The following PRKD1 variants were observed in gnomAD, a reference collection of about 807,000 sequenced individuals.
PRKD1 encodes the protein protein kinase D1.
In PRKD1, 63 loss-of-function variants were observed where a neutral mutation model predicts 95.9. The observed-to-expected ratio is 0.66, with a 90% CI of 0.54 to 0.81. The LOEUF is 0.81. Ranked by LOEUF, PRKD1 falls within the 30% of genes least tolerant of loss-of-function variation. The probability of loss-of-function intolerance (pLI) is 0.00; values close to 1 mark genes in which losing one functional copy is unlikely to be tolerated. For missense variants in PRKD1, 1,048 were observed against 1,165.3 expected, an observed-to-expected ratio of 0.90 and a Z score of 1.47; for synonymous variants, 425 against 423.1, an observed-to-expected ratio of 1.00 and a Z score of -0.05.
chr14:29,891,600 C>G (rs1011451979), intron 1 of PRKD1, among the ~76,000 whole-genome samples: 1 of 151,766 alleles, frequency 6.6e-6, no homozygotes, highest in Non-Finnish European at 1.5e-5. Flanking sequence ...TCTCCTATGA[C>G]TCTCTAAGGC....
intron 1 of PRKD1, among the ~76,000 whole-genome samples, chr14:29,744,203 T>C (rs943532695): frequency 1.3e-5 from 2 of 152,168 alleles, no homozygotes; most frequent in African/African-American, 2.4e-5. Flanking sequence ...TATCACATAT[T>C]AACATGTTCA....
chr14:29,667,192 T>C (rs763390779), intron 2 of PRKD1, among the ~76,000 whole-genome samples: 3 of 152,200 alleles, frequency 2.0e-5, no homozygotes, highest in East Asian at 1.9e-4. Context: ...GCAGAAGACC[T>C]GGGGGAAGCC....
Position 29,927,369 on chromosome 14 carries a change from G to GC in PRKD1, c.143dup (p.Ile49HisfsTer12), listed in dbSNP as rs760051189. 4 of 1,560,422 alleles carry GC rather than the reference G, an allele frequency of 2.6e-6. No individual in the cohort carries two copies. Among genetic ancestry groups the GC allele is most frequent in the East Asian group, 2.5e-5 (1 of 39,642 alleles). On this transcript the variant is annotated frameshift_variant, in exon 1 of 18. Transcript: ENST00000331968. LOFTEE classifies it high-confidence loss of function. ...GGCCGATCTGCAGATGGAACGAGAT[G>GC]CCCCCGACCGGGGCCGCGACAGGAG...
intron 1 of PRKD1, among the ~76,000 whole-genome samples, chr14:29,802,672 C>T (rs1890082980): frequency 6.6e-6 from 1 of 152,166 alleles, no homozygotes; most frequent in South Asian, 2.1e-4. Flanking sequence ...CCAGTGTTTA[C>T]ATCAAATTAT....
chr14:29,756,401 G>A (rs1401912292), intron 1 of PRKD1, among the ~76,000 whole-genome samples: 4 of 152,046 alleles, frequency 2.6e-5, no homozygotes, highest in Non-Finnish European at 4.4e-5. Flanking sequence ...AAAAATTTGA[G>A]GTATTTTGTG....
rs548298515 is a variant in PRKD1, at chr14:29,862,549, C to T, written c.264+64700G>A. On this transcript the variant is annotated intron_variant, in intron 1 of 17. Transcript: ENST00000331968. ...CAAATAATCACCAGCATTTATTTGC[C>T]TTTTGGATAGAAGCCATTTTAACTA... Among the ~76,000 whole-genome samples, 58 of 152,180 alleles carry T rather than the reference C, an allele frequency of 3.8e-4. 1 individual carries two copies. The East Asian group carries it at 4.1e-3, about 11-fold the overall frequency.
chr14:29,920,575 A>C (rs1895064492), intron 1 of PRKD1, among the ~76,000 whole-genome samples: 1 of 144,870 alleles, frequency 6.9e-6, no homozygotes, highest in African/African-American at 2.7e-5. Flanking sequence ...TTATTCAATG[A>C]TTCCAGTCTA....
chr14:29,589,826 T>G (rs1164537328), intron 16 of PRKD1, among the ~76,000 whole-genome samples: 4 of 152,068 alleles, frequency 2.6e-5, no homozygotes, highest in Admixed American at 6.6e-5. Flanking sequence ...CAAAAATAAA[T>G]AAAGAAATAA....
intron 13 of PRKD1, among the ~76,000 whole-genome samples, chr14:29,615,518 C>T (rs1878793769): frequency 6.6e-6 from 1 of 152,200 alleles, no homozygotes. Context: ...CACTGTTTCT[C>T]TGGCTATGAA....
At chr14:29,844,717 T>G (rs1892011795) in intron 1 of PRKD1, among the ~76,000 whole-genome samples, 1 of 152,160 alleles carries the variant, frequency 6.6e-6, no homozygotes, top group South Asian at 2.1e-4. Flanking sequence ...AGTAGTTTAA[T>G]CAATACGGAA....
chr14:29,723,531 T>G (rs1014629222), intron 2 of PRKD1, among the ~76,000 whole-genome samples: 4 of 152,156 alleles, frequency 2.6e-5, no homozygotes, highest in African/African-American at 7.2e-5. Flanking sequence ...AGGGGTGGGA[T>G]GGTTTAAAAA....
chr14:29,652,985 C>A (rs2139181971), intron 4 of PRKD1: 2 of 152,224 alleles, frequency 1.3e-5, no homozygotes, highest in South Asian at 4.1e-4. Context: ...TGCTGGTATT[C>A]TCGTTTTCAT....
intron 1 of PRKD1, among the ~76,000 whole-genome samples, chr14:29,759,149 T>A (rs2139482234): frequency 6.6e-6 from 1 of 152,308 alleles, no homozygotes; most frequent in Admixed American, 6.5e-5. Context: ...ACAATCACAG[T>A]TAACACATTA....
chr14:29,774,678 A>G (rs1176443234), intron 1 of PRKD1, among the ~76,000 whole-genome samples: 3 of 152,240 alleles, frequency 2.0e-5, no homozygotes, highest in Non-Finnish European at 2.9e-5. Flanking sequence ...AAATTCCCAC[A>G]GCAACTATAC....
chr14:29,834,107 A>G (rs2139301010), intron 1 of PRKD1, among the ~76,000 whole-genome samples: 1 of 152,312 alleles, frequency 6.6e-6, no homozygotes, highest in East Asian at 1.9e-4. Flanking sequence ...CTATGTGTTC[A>G]TGAAACTTTA....
chr14:29,762,602 A>G (rs535150243), intron 1 of PRKD1, among the ~76,000 whole-genome samples: 2 of 152,358 alleles, frequency 1.3e-5, no homozygotes, highest in Non-Finnish European at 2.9e-5. Flanking sequence ...TATTTCACTA[A>G]TAAATGAATT....
At chr14:29,697,100 T>C (rs190709303) in intron 2 of PRKD1, among the ~76,000 whole-genome samples, 111 of 151,580 alleles carry the variant, frequency 7.3e-4, no homozygotes, top group Admixed American at 2.1e-3. Flanking sequence ...GCCCAAGATA[T>C]CACATCTACA....
intron 1 of PRKD1, among the ~76,000 whole-genome samples, chr14:29,918,599 T>G (rs537436183): frequency 6.6e-6 from 1 of 152,196 alleles, no homozygotes; most frequent in South Asian, 2.1e-4. Flanking sequence ...TGACTCTTTA[T>G]TTCTAGTTTT....
chr14:29,807,423 G>T (rs1046320430), intron 1 of PRKD1, among the ~76,000 whole-genome samples: 1 of 151,972 alleles, frequency 6.6e-6, no homozygotes, highest in African/African-American at 2.4e-5. Flanking sequence ...TTGAGACAGG[G>T]TCACACTCCA....
Sources: gnomAD v4.1 joint callset for allele counts (sites outside exome capture counted in the v4.1 genomes callset) on GRCh38, gnomAD v4.1.1 for gene constraint, MANE v1.5 for transcripts, NCBI Gene and HGNC (gene_info 2026-07-23, HGNC 2026-07-21) for gene names.